Variants in GPR137C observed in about 807,000 individuals in gnomAD.
The protein encoded by GPR137C is integral membrane protein GPR137C.
Under a neutral mutation model 43.4 loss-of-function variants are expected in GPR137C, and 27 were observed. The ratio of observed to expected loss-of-function variants is 0.62; its 90% CI spans 0.46 to 0.86. GPR137C has a LOEUF of 0.86. GPR137C is among the 40% of genes least tolerant of loss of function. The pLI is 0.00. For missense variants in GPR137C, 522 were observed against 534.6 expected, an observed-to-expected ratio of 0.98 and a Z score of 0.23; for synonymous variants, 285 against 226.9, an observed-to-expected ratio of 1.26 and a Z score of -2.30.
chr14:52,579,495 G>T (rs181153369), intron 1 of GPR137C, among the ~76,000 whole-genome samples: 5 of 152,258 alleles, frequency 3.3e-5, no homozygotes, highest in African/African-American at 1.2e-4. Flanking sequence ...AAATCACGTT[G>T]TTCTCAACCC....
At chr14:52,565,341 A>C (rs1043486096) in intron 1 of GPR137C, among the ~76,000 whole-genome samples, 3 of 152,164 alleles carry the variant, frequency 2.0e-5, no homozygotes, top group Non-Finnish European at 4.4e-5. Context: ...CTGTCTTTAT[A>C]ATTTCCATAT....
intron 1 of GPR137C, among the ~76,000 whole-genome samples, chr14:52,584,550 A>G (rs989404309): frequency 3.3e-5 from 5 of 152,172 alleles, no homozygotes; most frequent in African/African-American, 1.2e-4. Context: ...AGAAATGTGT[A>G]TAAGACTCCT....
In GPR137C at chr14:52,633,234, T is replaced by C. The variant is rs79366991; in HGVS notation, c.868-296T>C. 4.2e-3 allele frequency among the ~76,000 whole-genome samples: 644 copies of C among 152,222 alleles called. 10 individuals carry two copies. Among genetic ancestry groups the C allele is most frequent in the Admixed American group, 0.035 (531 of 15,262 alleles). On this transcript the variant is annotated intron_variant, in intron 4 of 6. Transcript: ENST00000321662. ...GTAATGTCTTTAAAAGTCACTCTCT[T>C]TAGATTATGGGGCCTAAATAGGAGA...
intron 1 of GPR137C, among the ~76,000 whole-genome samples, chr14:52,584,731 C>T (rs1469834294): frequency 6.6e-6 from 1 of 152,110 alleles, no homozygotes; most frequent in African/African-American, 2.4e-5. Context: ...CTGCCTCAGC[C>T]TCCCAAGTAG....
At chr14:52,610,200 C>T (rs560483718) in intron 3 of GPR137C, among the ~76,000 whole-genome samples, 1 of 152,288 alleles carries the variant, frequency 6.6e-6, no homozygotes, top group East Asian at 1.9e-4. Flanking sequence ...TTATCAGTAG[C>T]CAAAATTATT....
At chr14:52,554,703 C>G (rs768933355) in intron 1 of GPR137C, among the ~76,000 whole-genome samples, 4 of 118,146 alleles carry the variant, frequency 3.4e-5, no homozygotes, top group Non-Finnish European at 6.7e-5. Flanking sequence ...AATGTAGTTC[C>G]AAGCAAAAGT....
At chr14:52,606,331 C>G (rs542313157) in intron 3 of GPR137C, among the ~76,000 whole-genome samples, 1 of 152,168 alleles carries the variant, frequency 6.6e-6, no homozygotes, top group South Asian at 2.1e-4. Context: ...GCATGTAGTT[C>G]GTAATAGTCT....
chr14:52,634,853 T>A, intron 6 of GPR137C, 85 bp from the exon 7 acceptor site: 4 of 1,170,710 alleles, frequency 3.4e-6, no homozygotes, highest in Non-Finnish European at 4.8e-6. Context: ...TATTACAAAA[T>A]TCATTGAAAA....
intron 1 of GPR137C, among the ~76,000 whole-genome samples, chr14:52,581,759 A>G (rs1461839144): frequency 6.6e-6 from 1 of 152,216 alleles, no homozygotes; most frequent in Non-Finnish European, 1.5e-5. Context: ...ACTCTTCACC[A>G]TGGAAAAGAG....
At chr14:52,587,427 AG>A (rs2038727130) in intron 1 of GPR137C, among the ~76,000 whole-genome samples, 1 of 152,186 alleles carries the variant, frequency 6.6e-6, no homozygotes, top group South Asian at 2.1e-4. Context: ...ATATGTACAA[AG>A]GCACAGAGAT....
In GPR137C at chr14:52,634,987, G is replaced by A. The variant is rs1490208456; in HGVS notation, c.1162G>A (p.Gly388Ser). The change falls in exon 7 of 7, where the codon GGC (glycine) becomes AGC (serine). Residue 388 changes from glycine to serine, a missense_variant. By Grantham distance (56) the Gly-to-Ser change is moderately conservative. Around this residue, in one of 3 missense-constraint regions of GPR137C, gnomAD observed 67 missense variants for 69.0 expected, o/e 0.97. Transcript: ENST00000321662. ...LGWYGTMTGC[G>S]SSSYTVTPHL... is the part of the protein sequence containing the mutation. The stretch of plus-strand genomic sequence containing the variant: ...CTGGTATGGCACCATGACTGGGTGT[G>A]GCAGCAGCAGTTACACAGTCACTCC... The A allele has an allele frequency of 4.3e-6, 7 of 1,612,232 alleles. No homozygotes were observed. The African/African-American group carries it at 9.4e-5, about 22-fold the overall frequency.
At position 52,553,601 on chromosome 14, in the gene GPR137C, G is replaced by T. The variant is rs903781617; in HGVS notation, c.444+10G>T. 6.4e-7 allele frequency: 1 copy of T among 1,554,968 alleles called. No individual in the cohort carries two copies. Among genetic ancestry groups the T allele is most frequent in the Non-Finnish European group, 8.7e-7 (1 of 1,147,796 alleles). On this transcript the variant is annotated intron_variant, in intron 1 of 6. Transcript: ENST00000321662. ...CCTCTACCTGGCGGAGGTAAGGCGGGAGGGCCGGCATGCGGGGCCCGGGCG... is the reference window on the plus strand; with the variant it reads ...CCTCTACCTGGCGGAGGTAAGGCGGTAGGGCCGGCATGCGGGGCCCGGGCG...
In GPR137C at chr14:52,606,062, A is replaced by G. The variant is rs981064532; in HGVS notation, c.717+5721A>G. On this transcript the variant is annotated intron_variant, in intron 3 of 6. Transcript: ENST00000321662. ...CAGAGGGTAATGCTAGCCTCATAGA[A>G]TGATTTTGGAAATGTTCCCGCTCCT... 2.0e-5 allele frequency among the ~76,000 whole-genome samples: 3 copies of G among 152,160 alleles called. No individual in the cohort carries two copies. In the South Asian group the frequency reaches 6.2e-4, roughly 32 times the overall value.
At position 52,633,535 on chromosome 14, in the gene GPR137C, T is replaced by C; in HGVS notation, c.873T>C (p.His291=). ...CTGCCATGCTCTATTTACAGGCTCA[T>C]GTAGAAGACATAAGTGGAGAAGAGT... ...YGWDNLSDKA[H]VEDISGEEYI... is the part of the protein sequence containing the mutation. Residue 291 remains histidine, a synonymous_variant, in exon 5 of 7, where the codon CAT becomes CAC. Coordinates refer to ENST00000321662, the MANE Select transcript of GPR137C (RefSeq NM_001099652.2). The C allele has an allele frequency of 6.2e-7, 1 of 1,612,064 alleles. No individual in the cohort carries two copies. Among genetic ancestry groups the C allele is most frequent in the South Asian group, 1.1e-5 (1 of 90,948 alleles).
chr14:52,629,333 C>G (rs1298507452), intron 3 of GPR137C, among the ~76,000 whole-genome samples: 3 of 152,210 alleles, frequency 2.0e-5, no homozygotes, highest in Non-Finnish European at 4.4e-5. Context: ...TTCAAAGACT[C>G]TATCTAACTG....
At chr14:52,573,852 A>G (rs930160799) in intron 1 of GPR137C, among the ~76,000 whole-genome samples, 27 of 152,254 alleles carry the variant, frequency 1.8e-4, no homozygotes, top group Non-Finnish European at 3.5e-4. Flanking sequence ...TCCAGAATTT[A>G]CAAGGAACTT....
chr14:52,631,150 T>C (rs1157473800), intron 3 of GPR137C, among the ~76,000 whole-genome samples: 1 of 152,222 alleles, frequency 6.6e-6, no homozygotes, highest in Non-Finnish European at 1.5e-5. Context: ...TCGTTTATAT[T>C]CAAAACGGAA....
intron 1 of GPR137C, among the ~76,000 whole-genome samples, chr14:52,570,808 A>C (rs2038454767): frequency 6.6e-6 from 1 of 152,202 alleles, no homozygotes; most frequent in Admixed American, 6.6e-5. Context: ...ATATATATGC[A>C]CCCAATACAG....
intron 3 of GPR137C, among the ~76,000 whole-genome samples, chr14:52,609,829 G>A (rs1409670276): frequency 6.6e-6 from 1 of 152,212 alleles, no homozygotes; most frequent in Admixed American, 6.5e-5. Flanking sequence ...CACAGGAGTA[G>A]GTGGAGCTTA....
Sources: allele counts gnomAD v4.1 joint callset (sites outside exome capture counted in the v4.1 genomes callset), GRCh38; gene constraint gnomAD v4.1.1; regional missense constraint gnomAD v4.1.1; transcripts MANE v1.5; gene names NCBI Gene and HGNC (gene_info 2026-07-23, HGNC 2026-07-21).